KHSRP: variants seen among roughly 807,000 people sequenced by gnomAD.
KHSRP encodes KH-type splicing regulatory protein, also known as far upstream element-binding protein 2.
In KHSRP, 13 loss-of-function variants were observed where a neutral mutation model predicts 94.9. The ratio of observed to expected loss-of-function variants is 0.14; its 90% confidence interval spans 0.09 to 0.22. The LOEUF (loss-of-function observed/expected upper bound fraction) is 0.22. Ranked by LOEUF, KHSRP falls within the 10% of genes least tolerant of loss-of-function variation. The pLI, the probability that KHSRP is intolerant of heterozygous loss-of-function variation, is 1.00. For missense variants in KHSRP, 710 were observed against 1,010.0 expected (o/e 0.70, Z 4.03); for synonymous variants, 495 against 401.4 (o/e 1.23, Z -2.79).
intron 11 of KHSRP, among the ~76,000 whole-genome samples, 182 bp downstream of exon 11, chr19:6,417,557 A>C (rs183882319): frequency 0.01 from 1,559 of 152,282 alleles, 15 homozygotes; most frequent in South Asian, 0.029. Context: ...CTGGATGTGG[A>C]AAGCCCTCAT....
In KHSRP at chr19:6,422,308, C is replaced by T. The variant is rs185903673; in HGVS notation, c.346+32G>A. 3.2e-4 allele frequency: 474 copies of T among 1,492,490 alleles called. 2 individuals are homozygous for T. In the African/African-American group the frequency reaches 6.0e-3, roughly 19 times the overall value. The allele number at this position is 1,492,490 out of a possible 1,614,324, so 92.5% of individuals were successfully genotyped here. ...CACCTCTTTAGGCCCCCAGCCCTTC[C>T]TCCTAAGCTAAAGGCAGCAGCAGGG... is the stretch of plus-strand genomic sequence containing the variant. On this transcript the variant is annotated intron_variant, in intron 2 of 18. Coordinates refer to ENST00000600480, the MANE Select transcript of KHSRP (RefSeq NM_001366299.1).
chr19:6,419,115 C>A, intron 7 of KHSRP, 88 bp downstream of exon 7: 2 of 1,305,196 alleles, frequency 1.5e-6, no homozygotes, highest in Non-Finnish European at 1.1e-6. Context: ...ACATGGCGTG[C>A]AAGTTGCTCC....
At chr19:6,421,359 C>G in intron 3 of KHSRP, 42 bp from the exon 4 acceptor site, 1 of 1,565,026 alleles carries the variant, frequency 6.4e-7, no homozygotes, top group Non-Finnish European at 8.7e-7. Context: ...CTTAGCTCCT[C>G]CTCGGGCACT....
intron 15 of KHSRP, 38 bp downstream of exon 15, chr19:6,416,260 C>G: frequency 6.7e-7 from 1 of 1,491,298 alleles, no homozygotes; most frequent in South Asian, 1.2e-5. Flanking sequence ...GCTCAGTAAG[C>G]CCCCGGCCTC....
At chr19:6,421,950 GC>G (rs2092197615) in intron 2 of KHSRP, among the ~76,000 whole-genome samples, 1 of 152,210 alleles carries the variant, frequency 6.6e-6, no homozygotes, top group Non-Finnish European at 1.5e-5. Context: ...GACAGGACCT[GC>G]CTCTAGCAGG....
chr19:6,414,457 A>G lies in KHSRP; in HGVS notation c.*567T>C. On this transcript the variant is annotated 3_prime_UTR_variant, in exon 19 of 19. Coordinates refer to ENST00000600480, the MANE Select transcript of KHSRP (RefSeq NM_001366299.1). Reference sequence around the variant, plus strand: ...CGCAGCACGACGACATGAACAATCCAGAGATCATGGTGTCCCCACAACACC... The same window carrying G: ...CGCAGCACGACGACATGAACAATCCGGAGATCATGGTGTCCCCACAACACC... The G allele has an allele frequency of 8.5e-7, 1 of 1,178,862 alleles. No individual in the cohort carries two copies. The highest frequency in any genetic ancestry group is 4.2e-5 in the Admixed American group (1 of 23,536). 73.0% of individuals were successfully genotyped at this position (1,178,862 alleles called of 1,614,324 possible).
rs370153476 is a variant in KHSRP, at chr19:6,416,977, G to A, written c.1182+10C>T. On this transcript the variant is annotated intron_variant, in intron 12 of 18. Coordinates refer to ENST00000600480, the MANE Select transcript of KHSRP (RefSeq NM_001366299.1). ...CCCTGCCAGCCCCTTCAGCACCCGG[G>A]GCCACCTACCCTGAGGCTCTGGAGG... is the stretch of plus-strand genomic sequence containing the variant. 3 of 1,613,546 alleles carry A rather than the reference G, an allele frequency of 1.9e-6. No homozygotes were observed. Among genetic ancestry groups the A allele is most frequent in the Non-Finnish European group, 2.5e-6 (3 of 1,179,822 alleles).
rs1052876170 is a variant in KHSRP at position 6,414,765 on chromosome 19, T to C, written c.*259A>G. The C allele has an allele frequency of 3.2e-5, 36 of 1,107,828 alleles. No homozygotes were observed. In the African/African-American group the frequency reaches 5.6e-4, roughly 17 times the overall value. The allele number at this position is 1,107,828 out of a possible 1,614,324, so 68.6% of individuals were successfully genotyped here. Reference sequence around the variant, plus strand: ...AAAAAATAGACGTTTTCTTCCCAAGTGGCCAGATTGTGAGCGAGGTGGTGG... The same window carrying C: ...AAAAAATAGACGTTTTCTTCCCAAGCGGCCAGATTGTGAGCGAGGTGGTGG... On this transcript the variant is annotated 3_prime_UTR_variant, in exon 19 of 19. Transcript: ENST00000600480.
chr19:6,423,175 A>C lies in KHSRP; in HGVS notation c.250-739T>G, dbSNP rs557011130. 4.6e-5 allele frequency among the ~76,000 whole-genome samples: 7 copies of C among 152,290 alleles called. No homozygotes were observed. The East Asian group carries it at 1.4e-3, about 29-fold the overall frequency. ...ACACTTATAATCCCAGCTACTCGGG[A>C]GGCTGAGGCAGGAGGAGCACTTCAA... On this transcript the variant is annotated intron_variant, in intron 1 of 18. Coordinates refer to ENST00000600480, the MANE Select transcript of KHSRP (RefSeq NM_001366299.1).
intron 1 of KHSRP, 104 bp downstream of exon 1, chr19:6,424,349 G>C: frequency 2.4e-6 from 1 of 412,000 alleles, no homozygotes; most frequent in Non-Finnish European, 3.3e-6. Context: ...CGACGGCCCC[G>C]GCCCCCCTCC....
chr19:6,421,231 T>C (rs758105514), intron 4 of KHSRP, 47 bp downstream of exon 4: 12 of 1,543,016 alleles, frequency 7.8e-6, no homozygotes, highest in South Asian at 2.4e-5. Flanking sequence ...AAGGCCAGTC[T>C]GCTGGCCAAC....
Position 6,420,486 on chromosome 19 carries a change from G to A in KHSRP, c.426-15C>T, listed in dbSNP as rs74790427. ...TCATTGAAGTCCTGTAAAGAGACAC[G>A]CCAAAGGTCAGTCCTCAAGTGGGAA... On this transcript the variant is annotated splice_polypyrimidine_tract_variant and intron_variant, in intron 4 of 18. Coordinates refer to ENST00000600480, the MANE Select transcript of KHSRP (RefSeq NM_001366299.1). The A allele has an allele frequency of 0.014, 22,707 of 1,613,096 alleles. 233 individuals carry two copies. The highest frequency in any genetic ancestry group is 0.028 in the South Asian group (2,566 of 91,052).
At position 6,414,936 on chromosome 19, in the gene KHSRP, C is replaced by T. The variant is rs1422992702; in HGVS notation, c.*88G>A. The T allele has an allele frequency of 1.1e-5, 16 of 1,412,778 alleles. No individual in the cohort carries two copies. The highest frequency in any genetic ancestry group is 3.1e-5 in the Admixed American group (1 of 32,112). The allele number at this position is 1,412,778 out of a possible 1,614,324, so 87.5% of individuals were successfully genotyped here. A position where few individuals can be genotyped will look rare whatever the true frequency, so the allele number is the denominator to read the frequency against. Reference sequence around the variant, plus strand: ...AGCAGCCGGCGCAGGGAGGCCTCTTCGTTTAACCTCTGGACCCAGCGAATG... The same window carrying T: ...AGCAGCCGGCGCAGGGAGGCCTCTTTGTTTAACCTCTGGACCCAGCGAATG... On this transcript the variant is annotated 3_prime_UTR_variant, in exon 19 of 19. Transcript: ENST00000600480.
Position 6,413,571 on chromosome 19 carries a change from T to C in KHSRP, c.*1453A>G. ...GGGGCTTGGCTGCTGGGGGAAGGGG[T>C]CCTGCAATACAACACCTGGTCCAAG... is the stretch of plus-strand genomic sequence containing the variant. On this transcript the variant is annotated 3_prime_UTR_variant, in exon 19 of 19. Coordinates refer to ENST00000600480, the MANE Select transcript of KHSRP (RefSeq NM_001366299.1). 1 of 241,900 alleles carries C rather than the reference T, an allele frequency of 4.1e-6. No individual in the cohort carries two copies. The highest frequency in any genetic ancestry group is 3.4e-5 in the South Asian group (1 of 29,462). The allele number at this position is 241,900 out of a possible 1,614,324, so 15.0% of individuals were successfully genotyped here. A position where few individuals can be genotyped will look rare whatever the true frequency, so the allele number is the denominator to read the frequency against.
Position 6,421,665 on chromosome 19 carries a change from C to T in KHSRP, c.370G>A (p.Ala124Thr), listed in dbSNP as rs1458798112. Residue 124 changes from alanine (A) to threonine (T), a missense_variant, in exon 3 of 19, where the codon GCT becomes ACT. Transcript: ENST00000600480. ...DGDQPESKKL[A>T]SQGDSISSQL... is the part of the protein sequence containing the mutation. ...CTGGACTTACAGTCTCCCTGGGAAG[C>T]CAGCTTCTTGCTCTCCGGTTGATCT... 4.3e-6 allele frequency: 7 copies of T among 1,613,930 alleles called. No individual in the cohort carries two copies. Among genetic ancestry groups the T allele is most frequent in the Non-Finnish European group, 5.9e-6 (7 of 1,179,892 alleles).
chr19:6,419,171 A>C (rs2092178654), intron 7 of KHSRP, 32 bp downstream of exon 7: 3 of 1,559,074 alleles, frequency 1.9e-6, no homozygotes, highest in Admixed American at 3.9e-5. Context: ...CCTGCCCCCC[A>C]CATCACAATG....
intron 11 of KHSRP, 99 bp downstream of exon 11, chr19:6,417,640 A>G: frequency 2.2e-6 from 2 of 916,474 alleles, no homozygotes; most frequent in East Asian, 5.1e-5. Context: ...GGTGCTATGG[A>G]GGCCACCTGG....
intron 1 of KHSRP, 118 bp from the exon 2 acceptor site, chr19:6,422,554 C>T (rs1054419950): frequency 1.4e-6 from 1 of 705,286 alleles, no homozygotes; most frequent in Admixed American, 2.4e-5. Context: ...TGGTGTCTGG[C>T]CCTCCAACTT....
rs1182435508 is a variant in KHSRP, at chr19:6,416,876, G to C, written c.1189C>G (p.Pro397Ala). 2 of 1,610,578 alleles carry C rather than the reference G, an allele frequency of 1.2e-6. No individual in the cohort carries two copies. The highest frequency in any genetic ancestry group is 1.3e-5 in the African/African-American group (1 of 74,850). ...NDLLQSLRSG[P>A]PGPPGGPGMP... is the part of the protein sequence containing the mutation. The stretch of plus-strand genomic sequence containing the variant: ...CCTGGACCCCCTGGAGGACCTGGGG[G>C]ACCACTCTGCAAGACAAGAGGAGGA... Residue 397 changes from proline (P) to alanine (A), a missense_variant, in exon 13 of 19, where the codon CCC (proline) becomes GCC (alanine). Coordinates refer to ENST00000600480, the MANE Select transcript of KHSRP (RefSeq NM_001366299.1).
Sources: allele counts gnomAD v4.1 joint callset (sites outside exome capture counted in the v4.1 genomes callset), GRCh38; gene constraint gnomAD v4.1.1; transcripts MANE v1.5; gene names NCBI Gene and HGNC (gene_info 2026-07-23, HGNC 2026-07-21).